FHIP1A: variants seen among roughly 807,000 people sequenced by gnomAD.
FHIP1A encodes the protein FHF complex subunit HOOK interacting protein 1A.
FHIP1A carries 61 observed loss-of-function variants against 88.6 expected under a neutral mutation model. The ratio of observed to expected loss-of-function variants is 0.69; its 90% confidence interval spans 0.56 to 0.85. The LOEUF (loss-of-function observed/expected upper bound fraction) is 0.85. Among genes scored for constraint, FHIP1A ranks in the 40% least tolerant of loss-of-function variants. The probability of loss-of-function intolerance (pLI) is 0.00; values close to 1 mark genes in which losing one functional copy is unlikely to be tolerated. For missense variants in FHIP1A, 1,154 were observed against 1,273.5 expected (o/e 0.91, Z 1.43); for synonymous variants, 478 against 496.0 (o/e 0.96, Z 0.48).
intron 7 of FHIP1A, among the ~76,000 whole-genome samples, chr4:151,590,836 C>T (rs1418754880): frequency 6.6e-6 from 1 of 152,118 alleles, no homozygotes; most frequent in African/African-American, 2.4e-5. Context: ...AAAGTTAATA[C>T]ATTTAAAGTT....
At chr4:151,609,400 C>G (rs139639453) in intron 7 of FHIP1A, among the ~76,000 whole-genome samples, 79 of 152,204 alleles carry the variant, frequency 5.2e-4, no homozygotes, top group African/African-American at 1.8e-3. Flanking sequence ...ACATTTAGAT[C>G]TATATACAAA....
chr4:151,633,598 T>C (rs1736236344), intron 8 of FHIP1A, among the ~76,000 whole-genome samples: 2 of 151,968 alleles, frequency 1.3e-5, no homozygotes, highest in Admixed American at 1.3e-4. Context: ...TGGTAAGGAT[T>C]GTATAACATG....
chr4:151,432,988 T>C (rs1436138105), intron 1 of FHIP1A, among the ~76,000 whole-genome samples: 1 of 152,024 alleles, frequency 6.6e-6, no homozygotes, highest in African/African-American at 2.4e-5. Context: ...GGAAGGGTAT[T>C]GTATGGTTGT....
intron 3 of FHIP1A, among the ~76,000 whole-genome samples, chr4:151,563,633 G>C (rs1733259950): frequency 6.6e-6 from 1 of 152,142 alleles, no homozygotes; most frequent in African/African-American, 2.4e-5. Context: ...TCTGTCCTCT[G>C]TTCTTCTCTT....
intron 1 of FHIP1A, among the ~76,000 whole-genome samples, chr4:151,433,992 G>A (rs1016147989): frequency 3.3e-5 from 5 of 152,138 alleles, no homozygotes; most frequent in Non-Finnish European, 5.9e-5. Flanking sequence ...CTTTTTCATA[G>A]TAAGTGATAG....
intron 1 of FHIP1A, among the ~76,000 whole-genome samples, chr4:151,452,974 A>G (rs553328404): frequency 6.6e-5 from 10 of 151,434 alleles, no homozygotes; most frequent in Non-Finnish European, 1.5e-4. Context: ...ACACACACAC[A>G]CAAACATACA....
chr4:151,627,735 T>A (rs1215417909), intron 7 of FHIP1A, among the ~76,000 whole-genome samples: 1 of 152,194 alleles, frequency 6.6e-6, no homozygotes, highest in Admixed American at 6.5e-5. Context: ...ATTACAGAGA[T>A]CTTTATAAAA....
At chr4:151,527,029 C>A (rs1731692886) in intron 3 of FHIP1A, among the ~76,000 whole-genome samples, 1 of 150,612 alleles carries the variant, frequency 6.6e-6, no homozygotes, top group Non-Finnish European at 1.5e-5. Context: ...AGACACTCCT[C>A]ACTTTCCAGA....
chr4:151,442,435 G>C (rs865930031), intron 1 of FHIP1A, among the ~76,000 whole-genome samples: 16 of 152,152 alleles, frequency 1.1e-4, no homozygotes, highest in Middle Eastern at 3.2e-3. Context: ...TGTGGCATGG[G>C]CTGGAAATAG....
intron 7 of FHIP1A, among the ~76,000 whole-genome samples, chr4:151,593,262 A>G (rs1181568060): frequency 6.6e-6 from 1 of 152,208 alleles, no homozygotes; most frequent in Non-Finnish European, 1.5e-5. Flanking sequence ...TTTTGGTTCC[A>G]TATGAAATTT....
At position 151,566,308 on chromosome 4, in the gene FHIP1A, C is replaced by T. The variant is rs771619767; in HGVS notation, c.49C>T (p.Leu17=). The change falls in exon 4 of 14, where the codon CTA becomes TTA. Residue 17 remains leucine (L), a synonymous_variant. Transcript: ENST00000435205. ...TESKLQQAVS[L]QGVDPETCMI... is the part of the protein sequence containing the mutation. ...AAGCAAACTCCAGCAGGCTGTGAGCCTACAGGGAGTTGACCCAGAAACATG... is the reference window on the plus strand; with the variant it reads ...AAGCAAACTCCAGCAGGCTGTGAGCTTACAGGGAGTTGACCCAGAAACATG... 1.5e-4 allele frequency: 235 copies of T among 1,550,840 alleles called. No homozygotes were observed. Among genetic ancestry groups the T allele is most frequent in the Non-Finnish European group, 2.0e-4 (224 of 1,146,430 alleles).
Position 151,670,481 on chromosome 4 carries a change from G to C in FHIP1A, c.*7727G>C, listed in dbSNP as rs1737826311. 6.6e-6 allele frequency: 1 copy of C among 152,066 alleles called. No homozygotes were observed. 9.4% of individuals were successfully genotyped at this position (152,066 alleles called of 1,614,324 possible). On this transcript the variant is annotated 3_prime_UTR_variant, in exon 14 of 14. Coordinates refer to ENST00000435205, the MANE Select transcript of FHIP1A (RefSeq NM_001109977.3). ...GTGATATTTCAGTATATATTTTATT[G>C]ATTAAATTTATTGGAAAACTTATTT...
intron 7 of FHIP1A, among the ~76,000 whole-genome samples, chr4:151,602,385 C>T (rs887219031): frequency 6.6e-6 from 1 of 152,238 alleles, no homozygotes; most frequent in Admixed American, 6.5e-5. Context: ...TGCCAGACTC[C>T]ATGGGGAAAT....
chr4:151,512,543 G>A (rs1731079002), intron 3 of FHIP1A, among the ~76,000 whole-genome samples: 1 of 152,050 alleles, frequency 6.6e-6, no homozygotes, highest in Admixed American at 6.6e-5. Flanking sequence ...CAAAGAAGTT[G>A]AAAACTTTGA....
chr4:151,645,971 G>A (rs1244365652), intron 9 of FHIP1A, among the ~76,000 whole-genome samples: 2 of 152,130 alleles, frequency 1.3e-5, no homozygotes, highest in Non-Finnish European at 2.9e-5. Flanking sequence ...AAGAACATAA[G>A]AAAAGGTTTA....
At chr4:151,423,120 T>G (rs1312724038) in intron 1 of FHIP1A, among the ~76,000 whole-genome samples, 6 of 152,196 alleles carry the variant, frequency 3.9e-5, no homozygotes, top group African/African-American at 1.4e-4. Context: ...TTTGCTGTTT[T>G]GAAATATCAC....
intron 3 of FHIP1A, among the ~76,000 whole-genome samples, chr4:151,527,272 G>A (rs554690588): frequency 7.7e-4 from 118 of 152,290 alleles, no homozygotes; most frequent in Non-Finnish European, 1.4e-3. Flanking sequence ...CTGCAATCCC[G>A]GCACCTCGGG....
intron 3 of FHIP1A, among the ~76,000 whole-genome samples, chr4:151,548,207 C>T (rs1255838831): frequency 6.6e-6 from 1 of 152,068 alleles, no homozygotes; most frequent in African/African-American, 2.4e-5. Context: ...GCACTGGGAC[C>T]CAGGAATTCA....
chr4:151,582,071 A>G (rs1465755353), intron 5 of FHIP1A, among the ~76,000 whole-genome samples: 1 of 152,216 alleles, frequency 6.6e-6, no homozygotes, highest in Non-Finnish European at 1.5e-5. Flanking sequence ...ATATTGGCAA[A>G]TGTAGAAAAC....
Sources: gnomAD v4.1 joint callset for allele counts (sites outside exome capture counted in the v4.1 genomes callset) on GRCh38, gnomAD v4.1.1 for gene constraint, MANE v1.5 for transcripts, NCBI Gene and HGNC (gene_info 2026-07-23, HGNC 2026-07-21) for gene names.